PDE11A: variants seen among roughly 807,000 people sequenced by gnomAD.
The protein encoded by PDE11A is dual 3',5'-cyclic-AMP and -GMP phosphodiesterase 11A.
PDE11A carries 100 observed loss-of-function variants against 100.5 expected under a neutral mutation model. The observed-to-expected ratio is 1.00, with a 90% CI of 0.85 to 1.18. The LOEUF (loss-of-function observed/expected upper bound fraction) is 1.18, where lower values mean the gene tolerates loss of function less well. Ranked by LOEUF, PDE11A falls within the 50% of genes most tolerant of loss-of-function variation. PDE11A has a pLI of 0.00. For synonymous variants in PDE11A, 381 were observed against 420.8 expected, an observed-to-expected ratio of 0.91 and a Z score of 1.16; for missense variants, 1,141 against 1,152.6, an observed-to-expected ratio of 0.99 and a Z score of 0.15.
At chr2:177,692,834 G>T (rs1016473918) in intron 15 of PDE11A, among the ~76,000 whole-genome samples, 4 of 152,182 alleles carry the variant, frequency 2.6e-5, no homozygotes, top group Non-Finnish European at 5.9e-5. Context: ...AAAGTCATAA[G>T]TTTTTGTGGA....
chr2:178,020,627 A>T (rs1169009330), intron 1 of PDE11A, among the ~76,000 whole-genome samples: 1 of 152,072 alleles, frequency 6.6e-6, no homozygotes, highest in African/African-American at 2.4e-5. Flanking sequence ...CCCCATCTCT[A>T]CTAAAAATAC....
At chr2:178,067,143 T>A (rs1248502898) in intron 1 of PDE11A, among the ~76,000 whole-genome samples, 3 of 152,114 alleles carry the variant, frequency 2.0e-5, no homozygotes, top group Non-Finnish European at 4.4e-5. Context: ...TTCTGCCCAT[T>A]CCCACTGTTC....
chr2:177,980,629 A>T (rs1360719041), intron 2 of PDE11A, among the ~76,000 whole-genome samples: 4 of 150,782 alleles, frequency 2.7e-5, no homozygotes, highest in Non-Finnish European at 5.9e-5. Context: ...TGGATTTTTT[A>T]AAAGAAATTC....
At chr2:177,636,268 T>G (rs1559119813) in intron 19 of PDE11A, among the ~76,000 whole-genome samples, 1 of 152,158 alleles carries the variant, frequency 6.6e-6, no homozygotes, top group Non-Finnish European at 1.5e-5. Flanking sequence ...CTCTCTTCTC[T>G]GTATACTCCA....
chr2:177,852,434 A>G (rs1459990077), intron 5 of PDE11A, among the ~76,000 whole-genome samples: 1 of 152,128 alleles, frequency 6.6e-6, no homozygotes, highest in East Asian at 1.9e-4. Flanking sequence ...TGTTTCATTG[A>G]CTAGAGGTCA....
intron 5 of PDE11A, among the ~76,000 whole-genome samples, 172 bp downstream of exon 5, chr2:177,875,687 C>T (rs1303214183): frequency 6.6e-6 from 1 of 152,056 alleles, no homozygotes; most frequent in African/African-American, 2.4e-5. Context: ...GCCGTATATG[C>T]ATTTATTTTT....
intron 15 of PDE11A, among the ~76,000 whole-genome samples, chr2:177,682,875 G>A (rs1186012389): frequency 6.6e-6 from 1 of 152,064 alleles, no homozygotes; most frequent in African/African-American, 2.4e-5. Context: ...ACATAGTACT[G>A]ATGTTTCAAA....
At chr2:177,673,922 T>C (rs1053499499) in intron 17 of PDE11A, among the ~76,000 whole-genome samples, 15 of 152,206 alleles carry the variant, frequency 9.9e-5, no homozygotes, top group African/African-American at 3.4e-4. Flanking sequence ...AGGTAGTGGC[T>C]GTTCCTTCAG....
intron 10 of PDE11A, among the ~76,000 whole-genome samples, chr2:177,767,413 C>T (rs1273356226): frequency 3.3e-5 from 5 of 151,980 alleles, no homozygotes; most frequent in African/African-American, 1.2e-4. Context: ...TCATATGAGT[C>T]AAAGCTCATA....
At chr2:178,085,540 A>T (rs1014825720) in intron 2 of PDE11A, among the ~76,000 whole-genome samples, 3 of 23,050 alleles carry the variant, frequency 1.3e-4, no homozygotes, top group South Asian at 1.8e-3. Context: ...TAGTTGAAAT[A>T]AAAAAAAAAA....
At chr2:177,969,025 C>A (rs2085734732) in intron 2 of PDE11A, among the ~76,000 whole-genome samples, 1 of 151,942 alleles carries the variant, frequency 6.6e-6, no homozygotes, top group Admixed American at 6.6e-5. Flanking sequence ...ACCCAAATGT[C>A]CATCGATGAT....
chr2:177,680,795 A>G lies in PDE11A; in HGVS notation c.2423+31T>C, dbSNP rs770640487. On this transcript the variant is annotated intron_variant, in intron 16 of 19. Coordinates refer to ENST00000286063, the MANE Select transcript of PDE11A (RefSeq NM_016953.4). The stretch of plus-strand genomic sequence containing the variant: ...ATGTGGACTAAATGTCCAAATAATG[A>G]AGAAACACATAAACAAGAGCTTTTT... 15 of 1,218,076 alleles carry G rather than the reference A, an allele frequency of 1.2e-5. No homozygotes were observed. The African/African-American group carries it at 2.2e-4, about 18-fold the overall frequency. 75.5% of individuals were successfully genotyped at this position (1,218,076 alleles called of 1,614,324 possible).
intron 1 of PDE11A, among the ~76,000 whole-genome samples, chr2:178,056,652 T>C (rs1279202441): frequency 6.6e-6 from 1 of 152,274 alleles, no homozygotes; most frequent in East Asian, 1.9e-4. Flanking sequence ...AAGTATTTCA[T>C]ATATCTGATA....
chr2:177,877,043 T>TA (rs1354152803), intron 4 of PDE11A, among the ~76,000 whole-genome samples: 1 of 147,048 alleles, frequency 6.8e-6, no homozygotes, highest in African/African-American at 2.6e-5. Flanking sequence ...TTTTGAGGGG[T>TA]AGAAAAAAAT....
At chr2:177,732,671 G>A (rs958204113) in intron 10 of PDE11A, among the ~76,000 whole-genome samples, 2 of 152,144 alleles carry the variant, frequency 1.3e-5, no homozygotes, top group African/African-American at 4.8e-5. Context: ...ATTATGAAGT[G>A]TTAATGGAAA....
chr2:177,982,584 T>C (rs1229646918), intron 2 of PDE11A, among the ~76,000 whole-genome samples: 1 of 150,466 alleles, frequency 6.6e-6, no homozygotes, highest in African/African-American at 2.4e-5. Flanking sequence ...CAGAACCATG[T>C]GGCAGAGAAA....
intron 1 of PDE11A, among the ~76,000 whole-genome samples, chr2:178,053,549 A>G (rs555206004): frequency 6.6e-6 from 1 of 152,294 alleles, no homozygotes; most frequent in East Asian, 1.9e-4. Flanking sequence ...AAGGGTATTC[A>G]ATTAGGAAAA....
intron 2 of PDE11A, among the ~76,000 whole-genome samples, chr2:177,939,006 C>T (rs2085311478): frequency 6.6e-6 from 1 of 152,198 alleles, no homozygotes; most frequent in African/African-American, 2.4e-5. Flanking sequence ...AACAACCATG[C>T]TGACACCTTG....
At chr2:177,797,966 C>T (rs1384792794) in intron 9 of PDE11A, among the ~76,000 whole-genome samples, 3 of 152,156 alleles carry the variant, frequency 2.0e-5, no homozygotes, top group African/African-American at 7.2e-5. Flanking sequence ...GAATCAAGTT[C>T]AAATTCCTTC....
Sources: gnomAD v4.1 joint callset for allele counts (sites outside exome capture counted in the v4.1 genomes callset) on GRCh38, gnomAD v4.1.1 for gene constraint, MANE v1.5 for transcripts, NCBI Gene and HGNC (gene_info 2026-07-23, HGNC 2026-07-21) for gene names.